PREX1: variants seen among roughly 807,000 people sequenced by gnomAD.
The protein encoded by PREX1 is phosphatidylinositol 3,4,5-trisphosphate-dependent Rac exchanger 1 protein.
PREX1 carries 41 observed loss-of-function variants against 198.3 expected under a neutral mutation model. The ratio of observed to expected loss-of-function variants is 0.21; its 90% CI spans 0.16 to 0.27. PREX1 has a LOEUF of 0.27. Among genes scored for constraint, PREX1 ranks in the 10% least tolerant of loss-of-function variants. The probability of loss-of-function intolerance (pLI) is 1.00; values close to 1 mark genes in which losing one functional copy is unlikely to be tolerated. For synonymous variants in PREX1, 843 were observed against 887.2 expected (o/e 0.95, Z 0.89); for missense variants, 1,620 against 2,200.7 (o/e 0.74, Z 5.28).
chr20:48,709,393 A>T (rs1054323696), intron 5 of PREX1, among the ~76,000 whole-genome samples: 1 of 152,118 alleles, frequency 6.6e-6, no homozygotes, highest in Non-Finnish European at 1.5e-5. Flanking sequence ...ACGAGCACAA[A>T]TGTAGGTTCA....
chr20:48,741,274 T>C (rs2090080461), intron 3 of PREX1, among the ~76,000 whole-genome samples: 2 of 152,230 alleles, frequency 1.3e-5, no homozygotes, highest in South Asian at 4.1e-4. Flanking sequence ...AGTCGTGACC[T>C]TGAGCTTAAC....
chr20:48,746,588 CT>C (rs1319343068), intron 2 of PREX1, among the ~76,000 whole-genome samples: 3 of 151,950 alleles, frequency 2.0e-5, no homozygotes, highest in Non-Finnish European at 4.4e-5. Flanking sequence ...CAGGGATTAC[CT>C]TTAGGGAGGG....
intron 15 of PREX1, among the ~76,000 whole-genome samples, chr20:48,661,278 G>A (rs2089588727): frequency 6.6e-6 from 1 of 150,904 alleles, no homozygotes; most frequent in African/African-American, 2.4e-5. Context: ...AATTAGCTGG[G>A]CATGGTGGCG....
chr20:48,821,230 G>C (rs1244037085), intron 1 of PREX1, among the ~76,000 whole-genome samples: 1 of 152,148 alleles, frequency 6.6e-6, no homozygotes, highest in East Asian at 1.9e-4. Context: ...TTTTGATCCT[G>C]GCTAAAACAC....
At chr20:48,748,089 G>A (rs1439995037) in intron 1 of PREX1, among the ~76,000 whole-genome samples, 1 of 152,158 alleles carries the variant, frequency 6.6e-6, no homozygotes, top group African/African-American at 2.4e-5. Context: ...CACCAGGGGT[G>A]TGCTGTGCAC....
intron 1 of PREX1, among the ~76,000 whole-genome samples, chr20:48,820,162 T>C (rs1416649377): frequency 1.3e-5 from 2 of 152,164 alleles, no homozygotes; most frequent in Non-Finnish European, 2.9e-5. Context: ...AGCAGACAGA[T>C]TCCCTTCTGG....
chr20:48,777,786 G>C (rs565964696), intron 1 of PREX1, among the ~76,000 whole-genome samples: 1 of 152,310 alleles, frequency 6.6e-6, no homozygotes, highest in African/African-American at 2.4e-5. Flanking sequence ...AGAGGCTGTG[G>C]ATCAAGAACT....
Position 48,657,033 on chromosome 20 carries a change from C to T in PREX1, c.2123+7G>A. 2.5e-6 allele frequency: 4 copies of T among 1,582,034 alleles called. No individual in the cohort carries two copies. The highest frequency in any genetic ancestry group is 3.4e-6 in the Non-Finnish European group (4 of 1,163,016). On this transcript the variant is annotated splice_region_variant and intron_variant, in intron 18 of 39. Coordinates refer to ENST00000371941, the MANE Select transcript of PREX1 (RefSeq NM_020820.4). ...GGCTGCCGGACACCCCGCCCTGGGA[C>T]ACTCACTCTTTGGCCTTCGTGGCCA...
At chr20:48,633,683 C>G (rs879882542) in intron 33 of PREX1, among the ~76,000 whole-genome samples, 1 of 152,094 alleles carries the variant, frequency 6.6e-6, no homozygotes, top group Non-Finnish European at 1.5e-5. Context: ...CTCTGAGAAC[C>G]CCTGCTTTCA....
intron 16 of PREX1, among the ~76,000 whole-genome samples, chr20:48,658,640 T>C (rs2089564188): frequency 6.6e-6 from 1 of 152,220 alleles, no homozygotes; most frequent in African/African-American, 2.4e-5. Flanking sequence ...TCATGGGTGC[T>C]GGAGACACCA....
chr20:48,875,168 AG>A, the PREX1 span, among the ~76,000 whole-genome samples: 2 of 152,328 alleles, frequency 1.3e-5, no homozygotes, highest in South Asian at 4.1e-4. Flanking sequence ...GTGTGCGCTC[AG>A]GGGGCTTCAT....
the PREX1 span, among the ~76,000 whole-genome samples, chr20:48,857,429 C>G: frequency 3.3e-5 from 5 of 152,182 alleles, no homozygotes; most frequent in African/African-American, 7.2e-5. Context: ...TGCCTGTAAT[C>G]CCAGCCCTTT....
intron 15 of PREX1, among the ~76,000 whole-genome samples, chr20:48,660,440 T>C (rs193247453): frequency 1.6e-4 from 24 of 152,346 alleles, no homozygotes; most frequent in Admixed American, 9.8e-4. Context: ...TTTATGATCA[T>C]AGAGTATTCT....
At chr20:48,734,469 T>C (rs2090048191) in intron 4 of PREX1, 77 bp downstream of exon 4, 5 of 1,249,398 alleles carry the variant, frequency 4.0e-6, no homozygotes, top group Admixed American at 3.4e-5. Context: ...TGGGGCAGCA[T>C]GAAGTCCTCT....
At chr20:48,625,993 C>T in intron 39 of PREX1, 66 bp from the exon 40 acceptor site, 2 of 1,419,214 alleles carry the variant, frequency 1.4e-6, no homozygotes, top group Non-Finnish European at 1.9e-6. Context: ...GTATTATTTC[C>T]ATTTTTACCT....
chr20:48,734,107 A>C (rs1213288684), intron 4 of PREX1, among the ~76,000 whole-genome samples: 3 of 152,216 alleles, frequency 2.0e-5, no homozygotes, highest in Non-Finnish European at 4.4e-5. Context: ...AATCCTAAAA[A>C]TACTAGTAAT....
intron 17 of PREX1, 48 bp from the exon 18 acceptor site, chr20:48,657,236 C>A: frequency 6.3e-7 from 1 of 1,592,462 alleles, no homozygotes; most frequent in South Asian, 1.1e-5. Flanking sequence ...TTACTAAGCT[C>A]CTTCCCTCCT....
At chr20:48,688,617 G>A (rs200670621) in intron 10 of PREX1, 40 bp downstream of exon 10, 1 of 1,612,122 alleles carries the variant, frequency 6.2e-7, no homozygotes, top group African/African-American at 1.3e-5. Flanking sequence ...CTCCAGCTGA[G>A]AGCCCAGGGA....
Position 48,780,755 on chromosome 20 carries a change from G to A in PREX1, c.220-32875C>T, listed in dbSNP as rs899764793. ...AGAGCTATCACAGGCCAGACCCACC[G>A]GTGGATGCTAAAACTAGTGGGCAAA... On this transcript the variant is annotated intron_variant, in intron 1 of 39. Transcript: ENST00000371941. Among the ~76,000 whole-genome samples the A allele has an allele frequency of 8.5e-5, 13 of 152,258 alleles. 1 individual carries two copies. The highest frequency in any genetic ancestry group is 3.9e-4 in the East Asian group (2 of 5,188).
Sources: allele counts gnomAD v4.1 joint callset (sites outside exome capture counted in the v4.1 genomes callset), GRCh38; gene constraint gnomAD v4.1.1; transcripts MANE v1.5; gene names NCBI Gene and HGNC (gene_info 2026-07-23, HGNC 2026-07-21).